TTC3: variants seen among roughly 807,000 people sequenced by gnomAD.
TTC3 encodes the protein E3 ubiquitin-protein ligase TTC3.
A neutral mutation model predicts 249.6 loss-of-function variants in TTC3; 180 were observed. The observed-to-expected ratio is 0.72, with a 90% CI of 0.64 to 0.82. TTC3 has a LOEUF of 0.82. TTC3 is among the 40% of genes least tolerant of loss of function. TTC3 has a pLI of 0.00. For missense variants in TTC3, 2,061 were observed against 2,398.4 expected, an observed-to-expected ratio of 0.86 and a Z score of 2.94; for synonymous variants, 717 against 805.0, an observed-to-expected ratio of 0.89 and a Z score of 1.85.
chr21:37,179,590 T>A (rs2148139705), intron 35 of TTC3, among the ~76,000 whole-genome samples: 1 of 152,338 alleles, frequency 6.6e-6, no homozygotes, highest in African/African-American at 2.4e-5. Flanking sequence ...TCACATTAAT[T>A]TTTCAAATAG....
chr21:37,154,852 C>T (rs1406588820), intron 27 of TTC3, among the ~76,000 whole-genome samples: 1 of 152,084 alleles, frequency 6.6e-6, no homozygotes, highest in East Asian at 1.9e-4. Flanking sequence ...CCTGCCACCA[C>T]GCCTGGCTAA....
At chr21:37,085,905 A>C (rs1233414224) in intron 1 of TTC3, 1 of 152,258 alleles carries the variant, frequency 6.6e-6, no homozygotes, top group Non-Finnish European at 1.5e-5. Flanking sequence ...AGCTATGGCA[A>C]CTAAAGACTG....
At chr21:37,196,029 T>G in exon 42 of TTC3, 1 of 1,614,044 alleles carries the variant, frequency 6.2e-7, no homozygotes, top group Non-Finnish European at 8.5e-7. Context: ...ATTCCCATGT[T>G]ACAACAGGTA....
At chr21:37,183,702 G>C (rs774840942) in intron 36 of TTC3, among the ~76,000 whole-genome samples, 2 of 152,094 alleles carry the variant, frequency 1.3e-5, no homozygotes, top group Non-Finnish European at 2.9e-5. Context: ...TAGCCTCTCT[G>C]TGATTTTTAT....
chr21:37,161,339 A>G lies in TTC3; in HGVS notation c.3096+481A>G, dbSNP rs1188056143. ...CACCCAGGCTGGAGAGCAGTGGTACAGTGACGGCTCACTGCAGCCTCAAAC... is the reference window on the plus strand; with the variant it reads ...CACCCAGGCTGGAGAGCAGTGGTACGGTGACGGCTCACTGCAGCCTCAAAC... On this transcript the variant is annotated intron_variant, in intron 30 of 45. Coordinates refer to ENST00000355666, the Ensembl canonical transcript of TTC3. Among the ~76,000 whole-genome samples the G allele has an allele frequency of 2.0e-5, 3 of 152,188 alleles. No homozygotes were observed. The East Asian group carries it at 5.8e-4, about 29-fold the overall frequency.
At chr21:37,182,791 A>G in exon 36 of TTC3, 1 of 1,592,398 alleles carries the variant, frequency 6.3e-7, no homozygotes, top group Non-Finnish European at 8.5e-7. Context: ...AGACGGAATT[A>G]GATTGGTTCC....
intron 18 of TTC3, 63 bp downstream of exon 18, chr21:37,135,577 G>C: frequency 9.0e-6 from 14 of 1,557,110 alleles, no homozygotes; most frequent in Non-Finnish European, 1.2e-5. Context: ...ATGCAGAAGA[G>C]AACCAAGGGC....
rs35581797 is a variant in TTC3, at chr21:37,116,833, A to AT, written c.901-4975dup. Among the ~76,000 whole-genome samples, 922 of 151,462 alleles carry AT rather than the reference A, an allele frequency of 6.1e-3. 7 individuals carry two copies. Among genetic ancestry groups the AT allele is most frequent in the African/African-American group, 0.021 (878 of 41,326 alleles). ...AAAATAAAAAAATAAAAATAAATAAATTTTTTTTTAAGTGGAGCTTTAAAT... is the reference window on the plus strand; with the variant it reads ...AAAATAAAAAAATAAAAATAAATAAATTTTTTTTTTAAGTGGAGCTTTAAAT... On this transcript the variant is annotated intron_variant, in intron 11 of 45. Transcript: ENST00000355666.
intron 38 of TTC3, chr21:37,187,814 A>T (rs1244749760): frequency 6.6e-6 from 1 of 152,254 alleles, no homozygotes; most frequent in Non-Finnish European, 1.5e-5. Flanking sequence ...TAAGGACAGG[A>T]AAGGAAAAAG....
chr21:37,109,168 A>G (rs181715334), intron 11 of TTC3, among the ~76,000 whole-genome samples: 1,658 of 152,258 alleles, frequency 0.011, 16 homozygotes, highest in Non-Finnish European at 0.017. Context: ...TGCATTTCCA[A>G]CTGAGGTACT....
intron 1 of TTC3, among the ~76,000 whole-genome samples, chr21:37,076,789 G>A (rs564269406): frequency 3.7e-5 from 5 of 135,728 alleles, no homozygotes; most frequent in African/African-American, 5.7e-5. Context: ...TGCAACCTCT[G>A]CCTCCCAAGT....
At chr21:37,147,129 C>T (rs1015193453) in intron 21 of TTC3, among the ~76,000 whole-genome samples, 1 of 152,024 alleles carries the variant, frequency 6.6e-6, no homozygotes, top group Non-Finnish European at 1.5e-5. Context: ...TCAGGATTAC[C>T]CTAAGGGTTA....
rs1375127376 is a variant in TTC3, at chr21:37,138,715, G to T, written c.1659+1G>T. On this transcript the variant is annotated splice_donor_variant, in intron 19 of 45. Coordinates refer to ENST00000355666, the Ensembl canonical transcript of TTC3. LOFTEE classifies it high-confidence loss of function. ...TCTCCTTGGAATAGGACAGCCTGAG[G>T]TAAGATTTGTAACAGTGGTAATAAA... is the stretch of plus-strand genomic sequence containing the variant. 2 of 1,596,314 alleles carry T rather than the reference G, an allele frequency of 1.3e-6. No homozygotes were observed. Among genetic ancestry groups the T allele is most frequent in the African/African-American group, 2.7e-5 (2 of 74,526 alleles).
At chr21:37,182,680 T>G in intron 35 of TTC3, 94 bp from the exon 36 acceptor site, 1 of 1,282,054 alleles carries the variant, frequency 7.8e-7, no homozygotes, top group Non-Finnish European at 1.0e-6. Context: ...GGTCATTGTT[T>G]AAGCTATGGC....
chr21:37,173,655 A>G (rs757722164), intron 35 of TTC3, among the ~76,000 whole-genome samples: 1 of 152,248 alleles, frequency 6.6e-6, no homozygotes, highest in Non-Finnish European at 1.5e-5. Context: ...ATAACATATT[A>G]AATAGAAGAA....
intron 1 of TTC3, among the ~76,000 whole-genome samples, chr21:37,073,721 G>A (rs532882354): frequency 1.3e-5 from 2 of 152,244 alleles, no homozygotes; most frequent in African/African-American, 4.8e-5. Flanking sequence ...ACCTCCGCTG[G>A]GTGGAGGCGC....
In TTC3 at chr21:37,187,039, A is replaced by G; in HGVS notation, c.4827-10A>G. 1.3e-6 allele frequency: 2 copies of G among 1,517,474 alleles called. No individual in the cohort carries two copies. The highest frequency in any genetic ancestry group is 1.3e-5 in the South Asian group (1 of 76,774). The allele number at this position is 1,517,474 out of a possible 1,614,324, so 94.0% of individuals were successfully genotyped here. A position where few individuals can be genotyped will look rare whatever the true frequency, so the allele number is the denominator to read the frequency against. ...TCAAGAAAGTTTTTTTTTTCCTTCA[A>G]TATTTGTAGCAACACACTTACAAAT... is the stretch of plus-strand genomic sequence containing the variant. On this transcript the variant is annotated splice_polypyrimidine_tract_variant and intron_variant, in intron 37 of 45. Coordinates refer to ENST00000355666, the Ensembl canonical transcript of TTC3.
At position 37,079,920 on chromosome 21, in the gene TTC3, C is replaced by G. The variant is rs558914526; in HGVS notation, c.-12+6556C>G. 1.5e-3 allele frequency among the ~76,000 whole-genome samples: 223 copies of G among 152,236 alleles called. 2 individuals are homozygous for G. Among genetic ancestry groups the G allele is most frequent in the African/African-American group, 4.9e-3 (204 of 41,536 alleles). On this transcript the variant is annotated intron_variant, in intron 1 of 45. Transcript: ENST00000355666. Reference sequence around the variant, plus strand: ...TGAATATTATTTATGTCTGACTTCTCTTTCTTGATCAGTCTTAGTAAAAGT... The same window carrying G: ...TGAATATTATTTATGTCTGACTTCTGTTTCTTGATCAGTCTTAGTAAAAGT...
intron 10 of TTC3, among the ~76,000 whole-genome samples, chr21:37,102,417 C>G (rs1437576730): frequency 2.6e-5 from 4 of 152,170 alleles, no homozygotes; most frequent in African/African-American, 9.7e-5. Context: ...AATAGCATCT[C>G]CTTTCCCTTC....
Sources: gnomAD v4.1 joint callset for allele counts (sites outside exome capture counted in the v4.1 genomes callset) on GRCh38, gnomAD v4.1.1 for gene constraint, MANE v1.5 for transcripts, NCBI Gene and HGNC (gene_info 2026-07-23, HGNC 2026-07-21) for gene names.